Variants in THTPA observed in about 807,000 individuals in gnomAD.
THTPA encodes thiamine-triphosphatase.
Under a neutral mutation model 16.5 loss-of-function variants are expected in THTPA, and 16 were observed. The ratio of observed to expected loss-of-function variants is 0.97; its 90% confidence interval spans 0.66 to 1.47. The LOEUF (loss-of-function observed/expected upper bound fraction) is 1.47. Among genes scored for constraint, THTPA ranks in the 40% most tolerant of loss-of-function variants. The pLI, the probability that THTPA is intolerant of heterozygous loss-of-function variation, is 0.00. For synonymous variants in THTPA, 110 were observed against 115.5 expected (o/e 0.95, Z 0.30); for missense variants, 281 against 280.9 (o/e 1.00, Z 0.00).
the THTPA span, chr14:23,522,695 T>C: frequency 6.5e-7 from 1 of 1,536,464 alleles, no homozygotes; most frequent in South Asian, 1.2e-5. Flanking sequence ...TGCTTTGAGG[T>C]TCTTGAGGGC....
the THTPA span, among the ~76,000 whole-genome samples, chr14:23,518,376 T>C: frequency 2.6e-5 from 4 of 152,224 alleles, no homozygotes; most frequent in East Asian, 5.8e-4. The surrounding 1 kb of genome is among the most constrained non-coding windows in gnomAD (Gnocchi z 4.5). Context: ...AAAGGCTTGC[T>C]TGGTTCTTAA....
At chr14:23,516,116 T>G in the THTPA span, among the ~76,000 whole-genome samples, 3 of 152,064 alleles carry the variant, frequency 2.0e-5, no homozygotes, top group Admixed American at 6.6e-5. Flanking sequence ...AGGTCAGTGG[T>G]TCTCAAACTT....
At chr14:23,550,664 G>A in the THTPA span, among the ~76,000 whole-genome samples, 1 of 152,186 alleles carries the variant, frequency 6.6e-6, no homozygotes, top group African/African-American at 2.4e-5. Context: ...CAGAGGGGCA[G>A]ACGAGCGGAT....
chr14:23,521,721 G>A, the THTPA span: 1 of 617,354 alleles, frequency 1.6e-6, no homozygotes, highest in South Asian at 2.4e-5. Context: ...AGATGGGCAA[G>A]GGCTACATCT....
the THTPA span, chr14:23,543,247 A>AGG: frequency 6.6e-6 from 1 of 152,260 alleles, no homozygotes; most frequent in Non-Finnish European, 1.5e-5. Flanking sequence ...AATCTGATGC[A>AGG]ATAGATGTAG....
the THTPA span, chr14:23,531,716 C>T: frequency 7.4e-7 from 1 of 1,354,772 alleles, no homozygotes; most frequent in Non-Finnish European, 9.5e-7. Flanking sequence ...CCATGTCCAG[C>T]AGAAACTAGA....
At chr14:23,520,691 A>G in the THTPA span, among the ~76,000 whole-genome samples, 23 of 149,824 alleles carry the variant, frequency 1.5e-4, no homozygotes, top group African/African-American at 5.7e-4. The surrounding 1 kb of genome is among the most constrained non-coding windows in gnomAD (Gnocchi z 8.7). Flanking sequence ...ATAGCAGGGG[A>G]GGGCTGCACC....
the THTPA span, chr14:23,534,132 C>A: frequency 1.6e-5 from 23 of 1,478,748 alleles, 1 homozygote; most frequent in South Asian, 3.0e-4. This position sits in a 1 kb window ranked among gnomAD's most constrained non-coding sequence, Gnocchi z 4.5. Flanking sequence ...GAGTGCCCCC[C>A]TCCTTGGAGG....
upstream of THTPA, chr14:23,555,865 C>G (rs2138976744): frequency 6.6e-6 from 1 of 152,428 alleles, no homozygotes; most frequent in East Asian, 1.9e-4. Context: ...CCGACTCTCC[C>G]CGCCGCCTTG....
At chr14:23,546,551 C>T in the THTPA span, among the ~76,000 whole-genome samples, 1 of 152,054 alleles carries the variant, frequency 6.6e-6, no homozygotes, top group Admixed American at 6.5e-5. The surrounding 1 kb of genome is among the most constrained non-coding windows in gnomAD (Gnocchi z 4.7). Flanking sequence ...CACTGAGAGC[C>T]CATGGGATTA....
At chr14:23,526,863 G>T in the THTPA span, 1 of 1,531,898 alleles carries the variant, frequency 6.5e-7, no homozygotes, top group Non-Finnish European at 8.7e-7. Context: ...CCTGGTCTCT[G>T]CTCGGTGTAG....
At chr14:23,538,892 C>T in the THTPA span, among the ~76,000 whole-genome samples, 1 of 151,874 alleles carries the variant, frequency 6.6e-6, no homozygotes, top group East Asian at 1.9e-4. Flanking sequence ...TGTGAAGGGG[C>T]GCCACAGACG....
At chr14:23,535,228 G>A in the THTPA span, 1 of 1,524,392 alleles carries the variant, frequency 6.6e-7, no homozygotes. This position sits in a 1 kb window ranked among gnomAD's most constrained non-coding sequence, Gnocchi z 4.5. Context: ...AGGATCAGAG[G>A]GGGTGCTGGA....
At position 23,559,425 on chromosome 14, in the gene THTPA, A is replaced by G. The variant is rs930381906; in HGVS notation, c.*585A>G. The stretch of plus-strand genomic sequence containing the variant: ...TGTTCCCTGACCTGGAGAGGGTTAG[A>G]AAGAACCAACAGCTGCCCCCTCCCC... On this transcript the variant is annotated 3_prime_UTR_variant, in exon 2 of 2. Transcript: ENST00000288014. The G allele has an allele frequency of 5.7e-6, 2 of 351,726 alleles. No individual in the cohort carries two copies. Among genetic ancestry groups the G allele is most frequent in the Non-Finnish European group, 1.1e-5 (2 of 184,252 alleles). 21.8% of individuals were successfully genotyped at this position (351,726 alleles called of 1,614,324 possible). A position where few individuals can be genotyped will look rare whatever the true frequency, so the allele number is the denominator to read the frequency against.
the THTPA span, chr14:23,534,006 G>T: frequency 6.5e-7 from 1 of 1,537,218 alleles, no homozygotes; most frequent in East Asian, 2.4e-5. This position sits in a 1 kb window ranked among gnomAD's most constrained non-coding sequence, Gnocchi z 4.5. Context: ...GCAGGGACAT[G>T]TGGCTGGACA....
chr14:23,550,780 A>G, the THTPA span, among the ~76,000 whole-genome samples: 4 of 152,068 alleles, frequency 2.6e-5, no homozygotes, highest in Non-Finnish European at 4.4e-5. Flanking sequence ...GGAAAGCCCA[A>G]CTTCAGCCAA....
chr14:23,518,092 C>T, the THTPA span, among the ~76,000 whole-genome samples: 1 of 152,150 alleles, frequency 6.6e-6, no homozygotes, highest in South Asian at 2.1e-4. The surrounding 1 kb of genome is among the most constrained non-coding windows in gnomAD (Gnocchi z 4.5). Context: ...CCATGGGGCC[C>T]CATCCTTGCT....
At chr14:23,525,191 C>G in the THTPA span, 5 of 1,536,018 alleles carry the variant, frequency 3.3e-6, no homozygotes, top group Non-Finnish European at 3.5e-6. The surrounding 1 kb of genome is among the most constrained non-coding windows in gnomAD (Gnocchi z 5.9). Context: ...AAGATTCCCT[C>G]TGGAGCTTTC....
At chr14:23,534,523 TA>T in the THTPA span, 1 of 1,536,060 alleles carries the variant, frequency 6.5e-7, no homozygotes, top group Non-Finnish European at 8.7e-7. The surrounding 1 kb of genome is among the most constrained non-coding windows in gnomAD (Gnocchi z 4.5). Flanking sequence ...CAGGCCCTGA[TA>T]TTGGGCAGGG....
Sources: allele counts gnomAD v4.1 joint callset (sites outside exome capture counted in the v4.1 genomes callset), GRCh38; gene constraint gnomAD v4.1.1; non-coding constraint Gnocchi (gnomAD v3.1); transcripts MANE v1.5; gene names NCBI Gene and HGNC (gene_info 2026-07-23, HGNC 2026-07-21).